Variants in RNF17 observed in about 807,000 individuals in gnomAD.
RNF17 encodes the protein ring finger protein 17.
In RNF17, 31 loss-of-function variants were observed where a neutral mutation model predicts 200.5. That is an observed-to-expected ratio of 0.15 (90% CI 0.12 to 0.21). The LOEUF is 0.21. Ranked by LOEUF, RNF17 falls within the 10% of genes least tolerant of loss-of-function variation. The probability of loss-of-function intolerance (pLI) is 1.00; values close to 1 mark genes in which losing one functional copy is unlikely to be tolerated. For missense variants in RNF17, 1,628 were observed against 1,905.1 expected (o/e 0.85, Z 2.71); for synonymous variants, 606 against 637.8 (o/e 0.95, Z 0.75).
chr13:24,810,041 G>C (rs1029071268), intron 15 of RNF17, among the ~76,000 whole-genome samples: 1 of 151,904 alleles, frequency 6.6e-6, no homozygotes, highest in African/African-American at 2.4e-5. Context: ...TACATTTGCT[G>C]AGGAGAGCTT....
intron 2 of RNF17, among the ~76,000 whole-genome samples, chr13:24,772,886 C>T (rs1490990512): frequency 6.6e-6 from 1 of 152,184 alleles, no homozygotes; most frequent in African/African-American, 2.4e-5. Context: ...GCTGGGATTA[C>T]AGGCGTGAGC....
Position 24,861,259 on chromosome 13 carries a change from G to A in RNF17, c.3775-9G>A, listed in dbSNP as rs762734559. On this transcript the variant is annotated splice_polypyrimidine_tract_variant and intron_variant, in intron 26 of 35. Transcript: ENST00000255324. ...ATTTTAACTATAAATTGTATTTGTCGTGTTTCAGGTACAATATTTAGATCA... is the reference window on the plus strand; with the variant it reads ...ATTTTAACTATAAATTGTATTTGTCATGTTTCAGGTACAATATTTAGATCA... 3.2e-5 allele frequency: 50 copies of A among 1,573,064 alleles called. No individual in the cohort carries two copies. The South Asian group carries it at 3.2e-4, about 10-fold the overall frequency.
At chr13:24,827,907 C>T (rs1888924057) in intron 16 of RNF17, among the ~76,000 whole-genome samples, 2 of 151,784 alleles carry the variant, frequency 1.3e-5, no homozygotes, top group Non-Finnish European at 1.5e-5. Context: ...AAACTCCCTT[C>T]ACCAAGCCCT....
intron 9 of RNF17, among the ~76,000 whole-genome samples, chr13:24,790,203 T>C (rs1161612556): frequency 6.6e-6 from 1 of 152,182 alleles, no homozygotes; most frequent in Admixed American, 6.6e-5. Context: ...TCTTTTCCCT[T>C]ATCTATTAAA....
intron 28 of RNF17, among the ~76,000 whole-genome samples, chr13:24,863,509 TA>T (rs1893311942): frequency 6.6e-6 from 1 of 152,100 alleles, no homozygotes; most frequent in African/African-American, 2.4e-5. Flanking sequence ...AGCAGTGAGG[TA>T]ATAAGATCAA....
chr13:24,867,321 C>T (rs1358403583), intron 30 of RNF17, among the ~76,000 whole-genome samples: 2 of 152,196 alleles, frequency 1.3e-5, no homozygotes, highest in African/African-American at 4.8e-5. Context: ...CCACCACATC[C>T]AGCTTTCTTT....
intron 2 of RNF17, among the ~76,000 whole-genome samples, chr13:24,772,911 G>A (rs1390865165): frequency 6.6e-6 from 1 of 151,892 alleles, no homozygotes; most frequent in Non-Finnish European, 1.5e-5. Flanking sequence ...GCCCCTGGTC[G>A]TGAACAGACA....
intron 22 of RNF17, among the ~76,000 whole-genome samples, chr13:24,847,536 A>T (rs574462334): frequency 6.6e-6 from 1 of 151,990 alleles, no homozygotes; most frequent in Admixed American, 6.6e-5. Flanking sequence ...AGTAGAGATG[A>T]GGTTTCACCA....
the RNF17 span, among the ~76,000 whole-genome samples, chr13:24,755,050 A>T: frequency 6.6e-6 from 1 of 152,132 alleles, no homozygotes; most frequent in Admixed American, 6.5e-5. Context: ...ATTTTCCTAT[A>T]TAGGTATATA....
intron 34 of RNF17, 151 bp downstream of exon 34, chr13:24,877,337 T>TAC (rs3839991): frequency 0.16 from 90,782 of 573,034 alleles, 8,907 homozygotes; most frequent in East Asian, 0.28. Flanking sequence ...GCTTTATATA[T>TAC]ACATATAAAG....
At chr13:24,781,686 T>A (rs1551153) in intron 5 of RNF17, among the ~76,000 whole-genome samples, 158 bp from the exon 6 acceptor site, 150,817 of 152,326 alleles carry the variant, frequency 0.99, 74,679 homozygotes, top group Middle Eastern at 1. Context: ...TAAAACTTAA[T>A]GTTGAACCTT....
In RNF17 at chr13:24,867,074, T is replaced by A. The variant is rs2138370659; in HGVS notation, c.4161+871T>A. ...GGATATATATATATATTTTGAGAAA[T>A]CCCTTCAAATCTATTTGAGTTATTT... is the stretch of plus-strand genomic sequence containing the variant. On this transcript the variant is annotated intron_variant, in intron 30 of 35. Coordinates refer to ENST00000255324, the MANE Select transcript of RNF17 (RefSeq NM_031277.3). Among the ~76,000 whole-genome samples, 2 of 152,318 alleles carry A rather than the reference T, an allele frequency of 1.3e-5. 1 individual carries two copies. The highest frequency in any genetic ancestry group is 4.1e-4 in the South Asian group (2 of 4,820).
intron 15 of RNF17, among the ~76,000 whole-genome samples, chr13:24,821,741 G>A (rs1014847725): frequency 2.6e-5 from 4 of 151,880 alleles, no homozygotes; most frequent in Non-Finnish European, 4.4e-5. Flanking sequence ...ATCATTTTCC[G>A]AATTTTCTTT....
intron 4 of RNF17, 93 bp from the exon 5 acceptor site, chr13:24,779,574 C>G: frequency 1.1e-6 from 1 of 910,874 alleles, no homozygotes; most frequent in Non-Finnish European, 1.7e-6. Flanking sequence ...GTAACCAAAA[C>G]GGTAGCCTGA....
downstream of RNF17, chr13:24,882,358 GTA>G (rs1953887087): frequency 6.6e-6 from 1 of 151,810 alleles, no homozygotes; most frequent in African/African-American, 2.4e-5. Flanking sequence ...CTGATTCATA[GTA>G]TATGTGACAG....
chr13:24,849,795 A>T (rs1218535307), intron 22 of RNF17, among the ~76,000 whole-genome samples: 1 of 152,202 alleles, frequency 6.6e-6, no homozygotes, highest in African/African-American at 2.4e-5. Context: ...AATTTCTGGT[A>T]TTTCTATTAT....
Position 24,874,256 on chromosome 13 carries a change from A to C in RNF17, c.4583+7A>C. 2 of 1,570,210 alleles carry C rather than the reference A, an allele frequency of 1.3e-6. No individual in the cohort carries two copies. Among genetic ancestry groups the C allele is most frequent in the East Asian group, 4.6e-5 (2 of 43,482 alleles). ...CAAAGCTGACATTAAACAGGTTAAA[A>C]ATAAATGTCGGGGTGTTGAATTAGA... is the stretch of plus-strand genomic sequence containing the variant. On this transcript the variant is annotated splice_region_variant and intron_variant, in intron 33 of 35. Transcript: ENST00000255324.
At chr13:24,783,242 C>G (rs76591466) in intron 6 of RNF17, among the ~76,000 whole-genome samples, 1 of 152,128 alleles carries the variant, frequency 6.6e-6, no homozygotes, top group Non-Finnish European at 1.5e-5. Flanking sequence ...TGTTTTATTC[C>G]GTTGTTCTGT....
intron 16 of RNF17, 105 bp downstream of exon 16, chr13:24,825,877 T>C: frequency 1.4e-6 from 2 of 1,418,638 alleles, no homozygotes; most frequent in Non-Finnish European, 9.4e-7. Context: ...TTTGATCTTA[T>C]CATTTGCTCT....
Sources: allele counts gnomAD v4.1 joint callset (sites outside exome capture counted in the v4.1 genomes callset), GRCh38; gene constraint gnomAD v4.1.1; transcripts MANE v1.5; gene names NCBI Gene and HGNC (gene_info 2026-07-23, HGNC 2026-07-21).